Variants in C1orf21 observed in about 807,000 individuals in gnomAD.
C1orf21 encodes the protein uncharacterized protein C1orf21.
A neutral mutation model predicts 18.7 loss-of-function variants in C1orf21; 3 were observed. The observed-to-expected ratio is 0.16, with a 90% CI of 0.07 to 0.42. C1orf21 has a LOEUF of 0.42. Ranked by LOEUF, C1orf21 falls within the 10% of genes least tolerant of loss-of-function variation. The pLI, the probability that C1orf21 is intolerant of heterozygous loss-of-function variation, is 0.99. For missense variants in C1orf21, 104 were observed against 143.6 expected (o/e 0.72, Z 1.41); for synonymous variants, 41 against 46.4 (o/e 0.88, Z 0.47).
intron 2 of C1orf21, among the ~76,000 whole-genome samples, chr1:184,499,392 G>A (rs1428215323): frequency 6.6e-6 from 1 of 152,034 alleles, no homozygotes; most frequent in African/African-American, 2.4e-5. Context: ...TCATTTTAAC[G>A]CAAGATTTCA....
intron 4 of C1orf21, among the ~76,000 whole-genome samples, chr1:184,591,975 T>G (rs1021983621): frequency 2.6e-5 from 4 of 152,154 alleles, no homozygotes; most frequent in Non-Finnish European, 5.9e-5. Flanking sequence ...CTACATGTGG[T>G]TTCATTCATA....
intron 1 of C1orf21, among the ~76,000 whole-genome samples, chr1:184,416,143 C>T (rs946071723): frequency 1.3e-5 from 2 of 152,142 alleles, no homozygotes; most frequent in African/African-American, 2.4e-5. Context: ...CCCTGGCAAA[C>T]TGAATATCTC....
rs538696978 is a variant in C1orf21 at position 184,502,693 on chromosome 1, T to C, written c.95-4895T>C. 2.0e-5 allele frequency among the ~76,000 whole-genome samples: 3 copies of C among 152,296 alleles called. No homozygotes were observed. The South Asian group carries it at 6.2e-4, about 32-fold the overall frequency. On this transcript the variant is annotated intron_variant, in intron 2 of 5. Transcript: ENST00000235307. ...TATACTTCCCCTCGTAGAGATACAG[T>C]GGTCAGACACCTTTCATGTCTAGTC...
chr1:184,563,499 C>A (rs1164702609), intron 3 of C1orf21, among the ~76,000 whole-genome samples: 4 of 152,130 alleles, frequency 2.6e-5, no homozygotes, highest in African/African-American at 9.7e-5. Context: ...TAAAATTGTT[C>A]AACAGCTCCC....
chr1:184,455,458 T>C (rs12737779), intron 1 of C1orf21, among the ~76,000 whole-genome samples: 15,719 of 152,154 alleles, frequency 0.1, 1,126 homozygotes, highest in African/African-American at 0.2. Context: ...TGTTGGTCCC[T>C]AGGTTACACT....
chr1:184,590,739 G>A lies in C1orf21; in HGVS notation c.190G>A (p.Glu64Lys). Residue 64 changes from glutamate to lysine, a missense_variant and splice_region_variant, in exon 4 of 6, where the codon GAA (glutamate) becomes AAA (lysine). By Grantham distance (56) the Glu-to-Lys change is moderately conservative (BLOSUM62 1). Transcript: ENST00000235307. ...ACATGTCTGTGTTTATGTGTTTCAGGAAAAAAGTGCCAGCTCAAATGTAAG... is the reference window on the plus strand; with the variant it reads ...ACATGTCTGTGTTTATGTGTTTCAGAAAAAAAGTGCCAGCTCAAATGTAAG... ...KIAARNQENL[E>K]KSASSNVRLK... 4 of 1,613,338 alleles carry A rather than the reference G, an allele frequency of 2.5e-6. No individual in the cohort carries two copies. Among genetic ancestry groups the A allele is most frequent in the Non-Finnish European group, 3.4e-6 (4 of 1,179,398 alleles).
intron 3 of C1orf21, among the ~76,000 whole-genome samples, chr1:184,563,413 A>T (rs1333003394): frequency 6.6e-6 from 1 of 152,224 alleles, no homozygotes; most frequent in Non-Finnish European, 1.5e-5. Flanking sequence ...ATGGGTTTTA[A>T]TTAAAAATTA....
intron 3 of C1orf21, among the ~76,000 whole-genome samples, chr1:184,543,439 G>T (rs753440980): frequency 3.0e-4 from 46 of 152,178 alleles, no homozygotes; most frequent in Non-Finnish European, 5.3e-4. Context: ...GTACCAGTGA[G>T]AAATCAGCTA....
intron 3 of C1orf21, among the ~76,000 whole-genome samples, chr1:184,538,123 C>CTT (rs35828751): frequency 0.52 from 78,414 of 151,708 alleles, 20,601 homozygotes; most frequent in African/African-American, 0.64. Context: ...CTCACCAACA[C>CTT]GATATTTTCT....
At chr1:184,591,678 C>T (rs980069884) in intron 4 of C1orf21, among the ~76,000 whole-genome samples, 4 of 152,024 alleles carry the variant, frequency 2.6e-5, no homozygotes, top group Non-Finnish European at 5.9e-5. Flanking sequence ...TGGTGGCGGG[C>T]TCCTGTAGTC....
rs2102017253 is a variant in C1orf21 at position 184,625,298 on chromosome 1, G to A, written c.*5742G>A. 1 of 152,606 alleles carries A rather than the reference G, an allele frequency of 6.6e-6. No homozygotes were observed. The highest frequency in any genetic ancestry group is 1.9e-4 in the East Asian group (1 of 5,176). 9.5% of individuals were successfully genotyped at this position (152,606 alleles called of 1,614,324 possible). A position where few individuals can be genotyped will look rare whatever the true frequency, so the allele number is the denominator to read the frequency against. On this transcript the variant is annotated 3_prime_UTR_variant, in exon 6 of 6. Transcript: ENST00000235307. ...TGAAAATAATTCTACAGCCTTAGGG[G>A]GACCTCTTGGCATTGACTCTAAAGG...
At chr1:184,541,021 T>C (rs1261048741) in intron 3 of C1orf21, among the ~76,000 whole-genome samples, 1 of 152,212 alleles carries the variant, frequency 6.6e-6, no homozygotes, top group Non-Finnish European at 1.5e-5. Context: ...ATATGAATTA[T>C]CTTAAAAATC....
At chr1:184,392,466 G>A (rs1489295914) in intron 1 of C1orf21, among the ~76,000 whole-genome samples, 1 of 152,174 alleles carries the variant, frequency 6.6e-6, no homozygotes, top group African/African-American at 2.4e-5. Flanking sequence ...GGCGGCGAGG[G>A]TTGAGAAATT....
At chr1:184,537,208 G>A (rs1223574225) in intron 3 of C1orf21, among the ~76,000 whole-genome samples, 3 of 152,126 alleles carry the variant, frequency 2.0e-5, no homozygotes, top group Non-Finnish European at 4.4e-5. Context: ...TCATAATTCT[G>A]TGTATCTATC....
chr1:184,519,172 T>C (rs1340150362), intron 3 of C1orf21, among the ~76,000 whole-genome samples: 2 of 152,210 alleles, frequency 1.3e-5, no homozygotes, highest in Admixed American at 1.3e-4. Flanking sequence ...GACTTCCCTT[T>C]TCCCAGCATT....
chr1:184,546,745 C>T lies in C1orf21; in HGVS notation c.189+39063C>T, dbSNP rs545421106. Among the ~76,000 whole-genome samples, 18 of 152,286 alleles carry T rather than the reference C, an allele frequency of 1.2e-4. No individual in the cohort carries two copies. The South Asian group carries it at 2.1e-3, about 18-fold the overall frequency. ...TCTCAGAGGACAAAACAAAAGGCAA[C>T]CTCCAGGTATATGAAAACCTGTAGG... is the stretch of plus-strand genomic sequence containing the variant. On this transcript the variant is annotated intron_variant, in intron 3 of 5. Coordinates refer to ENST00000235307, the MANE Select transcript of C1orf21 (RefSeq NM_030806.4).
chr1:184,426,307 C>T (rs532743945), intron 1 of C1orf21, among the ~76,000 whole-genome samples: 2 of 152,282 alleles, frequency 1.3e-5, no homozygotes, highest in Non-Finnish European at 2.9e-5. Flanking sequence ...GAGGAGTCTC[C>T]TAACTGGTGG....
chr1:184,474,796 TC>T (rs1323684013), intron 1 of C1orf21, among the ~76,000 whole-genome samples: 1 of 152,186 alleles, frequency 6.6e-6, no homozygotes, highest in Non-Finnish European at 1.5e-5. Context: ...CTTCAATCTC[TC>T]CTGCATATGT....
At chr1:184,483,690 C>T (rs1027806337) in intron 2 of C1orf21, among the ~76,000 whole-genome samples, 2 of 152,168 alleles carry the variant, frequency 1.3e-5, no homozygotes, top group African/African-American at 4.8e-5. Flanking sequence ...TCCTGTTAAC[C>T]TCCTTTATTG....
Sources: gnomAD v4.1 joint callset for allele counts (sites outside exome capture counted in the v4.1 genomes callset) on GRCh38, gnomAD v4.1.1 for gene constraint, MANE v1.5 for transcripts, NCBI Gene and HGNC (gene_info 2026-07-23, HGNC 2026-07-21) for gene names.